The following UBE2H variants were observed in gnomAD, a reference collection of about 807,000 sequenced individuals.
The protein encoded by UBE2H is ubiquitin-conjugating enzyme E2 H.
In UBE2H, 3 loss-of-function variants were observed where a neutral mutation model predicts 29.0. That is an observed-to-expected ratio of 0.10 (90% CI 0.05 to 0.27). The LOEUF is 0.27. Ranked by LOEUF, UBE2H falls within the 10% of genes least tolerant of loss-of-function variation. UBE2H has a pLI of 1.00. For synonymous variants in UBE2H, 69 were observed against 82.9 expected, an observed-to-expected ratio of 0.83 and a Z score of 0.91; for missense variants, 68 against 228.2, an observed-to-expected ratio of 0.30 and a Z score of 4.52.
Position 129,911,019 on chromosome 7 carries a change from T to C in UBE2H, c.54-30048A>G, listed in dbSNP as rs567162949. ...CAGTCCAGGTAAGGTCCCGAGGCCC[T>C]GAATCAAACAGTGGTGGTCGCAATG... On this transcript the variant is annotated intron_variant, in intron 1 of 6. Transcript: ENST00000355621. 1.3e-5 allele frequency among the ~76,000 whole-genome samples: 2 copies of C among 151,856 alleles called. 1 individual carries two copies. The highest frequency in any genetic ancestry group is 1.3e-4 in the Admixed American group (2 of 15,224).
intron 1 of UBE2H, among the ~76,000 whole-genome samples, chr7:129,892,380 T>C (rs1418516697): frequency 6.6e-6 from 1 of 151,996 alleles, no homozygotes; most frequent in Non-Finnish European, 1.5e-5. Context: ...GCCTCCTGAG[T>C]AGCTGGGATT....
chr7:129,863,712 T>C (rs566232521), intron 3 of UBE2H, among the ~76,000 whole-genome samples: 100 of 152,074 alleles, frequency 6.6e-4, no homozygotes, highest in Admixed American at 1.4e-3. Flanking sequence ...CAGAAACAGT[T>C]TATAACCTTG....
At chr7:129,907,124 A>C (rs78828774) in intron 1 of UBE2H, among the ~76,000 whole-genome samples, 3,582 of 118,550 alleles carry the variant, frequency 0.03, 65 homozygotes, top group Middle Eastern at 0.05. Context: ...GCCATTTATT[A>C]GGGGGTGTTC....
chr7:129,897,359 C>T (rs1351290998), intron 1 of UBE2H, among the ~76,000 whole-genome samples: 1 of 152,208 alleles, frequency 6.6e-6, no homozygotes, highest in Non-Finnish European at 1.5e-5. Flanking sequence ...TAATCATAGT[C>T]TGCTCGTTCT....
intron 5 of UBE2H, among the ~76,000 whole-genome samples, chr7:129,851,628 C>A (rs1354820386): frequency 6.6e-6 from 1 of 152,134 alleles, no homozygotes; most frequent in Non-Finnish European, 1.5e-5. Context: ...AAATCAGAGC[C>A]CCTACGAAAG....
intron 5 of UBE2H, among the ~76,000 whole-genome samples, chr7:129,854,679 T>C (rs1805673746): frequency 6.6e-6 from 1 of 152,226 alleles, no homozygotes; most frequent in East Asian, 1.9e-4. Flanking sequence ...CCTCAAATAG[T>C]TAAACATATT....
Position 129,917,032 on chromosome 7 carries a change from G to A in UBE2H, c.53+35471C>T, listed in dbSNP as rs1170728683. Among the ~76,000 whole-genome samples, 7 of 120,924 alleles carry A rather than the reference G, an allele frequency of 5.8e-5. No homozygotes were observed. The East Asian group carries it at 8.4e-4, about 14-fold the overall frequency. 79.3% of individuals were successfully genotyped at this position (120,924 alleles called of 152,430 possible). On this transcript the variant is annotated intron_variant, in intron 1 of 6. Transcript: ENST00000355621. The stretch of plus-strand genomic sequence containing the variant: ...AGCCTGGGCGACACAGCAAGATTCC[G>A]TCTCCAAAAAAAAAAAAAAAAACAC...
intron 3 of UBE2H, among the ~76,000 whole-genome samples, chr7:129,865,377 A>G (rs532733473): frequency 6.6e-6 from 1 of 151,954 alleles, no homozygotes; most frequent in African/African-American, 2.4e-5. Flanking sequence ...TAAATAAATG[A>G]GGCCAAGCTT....
chr7:129,887,480 A>C (rs1584766328), intron 1 of UBE2H, among the ~76,000 whole-genome samples: 1 of 151,920 alleles, frequency 6.6e-6, no homozygotes, highest in East Asian at 1.9e-4. Flanking sequence ...TCAGCCTCCC[A>C]AAGTGTTGGG....
At chr7:129,934,109 C>T (rs956919465) in intron 1 of UBE2H, among the ~76,000 whole-genome samples, 1 of 151,996 alleles carries the variant, frequency 6.6e-6, no homozygotes, top group African/African-American at 2.4e-5. Context: ...ATCACTTGAG[C>T]TCAGGAGTTT....
intron 3 of UBE2H, among the ~76,000 whole-genome samples, chr7:129,865,845 C>T (rs1001584160): frequency 5.3e-5 from 8 of 152,152 alleles, no homozygotes; most frequent in African/African-American, 1.9e-4. Context: ...CTCATCTTCC[C>T]TTGCAGTATC....
intron 1 of UBE2H, among the ~76,000 whole-genome samples, chr7:129,922,718 C>CA (rs1807188126): frequency 6.6e-6 from 1 of 152,102 alleles, no homozygotes; most frequent in Non-Finnish European, 1.5e-5. Context: ...GGGTGGTATA[C>CA]AGATATTTAT....
In UBE2H at chr7:129,831,455, G is replaced by T. The variant is rs1031616403; in HGVS notation, c.*3482C>A. 1 of 152,178 alleles carries T rather than the reference G, an allele frequency of 6.6e-6. No homozygotes were observed. The highest frequency in any genetic ancestry group is 2.4e-5 in the African/African-American group (1 of 41,434). The allele number at this position is 152,178 out of a possible 1,614,324, so 9.4% of individuals were successfully genotyped here. Reference sequence around the variant, plus strand: ...TTCATGATTCTCAGCCATCCCAACGGGAGGCCTAACATAAAGCATGTGCCA... The same window carrying T: ...TTCATGATTCTCAGCCATCCCAACGTGAGGCCTAACATAAAGCATGTGCCA... On this transcript the variant is annotated 3_prime_UTR_variant, in exon 7 of 7. Transcript: ENST00000355621.
chr7:129,919,138 C>T (rs1202129052), intron 1 of UBE2H, among the ~76,000 whole-genome samples: 3 of 135,992 alleles, frequency 2.2e-5, no homozygotes, highest in Non-Finnish European at 4.8e-5. Flanking sequence ...AAAAACAAGG[C>T]ACATGGATGA....
At chr7:129,864,556 CTTT>C (rs367930226) in intron 3 of UBE2H, among the ~76,000 whole-genome samples, 2 of 130,974 alleles carry the variant, frequency 1.5e-5, no homozygotes, top group African/African-American at 2.8e-5. Context: ...TCTTTTCTTT[CTTT>C]TTTTTTTTTT....
intron 1 of UBE2H, among the ~76,000 whole-genome samples, chr7:129,913,933 A>ATTG (rs1217627034): frequency 6.6e-6 from 1 of 152,184 alleles, no homozygotes; most frequent in Non-Finnish European, 1.5e-5. Context: ...ATGGAAGGAG[A>ATTG]TAACACTTAT....
chr7:129,922,573 A>G (rs75576209), intron 1 of UBE2H, among the ~76,000 whole-genome samples: 9,648 of 152,250 alleles, frequency 0.063, 367 homozygotes, highest in Non-Finnish European at 0.091. Context: ...CACTGTGCCC[A>G]GAAAAACAGT....
chr7:129,947,305 A>C (rs914040798), intron 1 of UBE2H, among the ~76,000 whole-genome samples: 7 of 152,242 alleles, frequency 4.6e-5, no homozygotes, highest in African/African-American at 1.7e-4. Flanking sequence ...GAACACTGAG[A>C]GTTGCCAAAT....
chr7:129,837,159 A>G (rs1805346291), intron 6 of UBE2H, among the ~76,000 whole-genome samples: 1 of 152,176 alleles, frequency 6.6e-6, no homozygotes, highest in Admixed American at 6.5e-5. Context: ...ACACAAATGG[A>G]AATGTCCAGC....
Sources: gnomAD v4.1 joint callset for allele counts (sites outside exome capture counted in the v4.1 genomes callset) on GRCh38, gnomAD v4.1.1 for gene constraint, MANE v1.5 for transcripts, NCBI Gene and HGNC (gene_info 2026-07-23, HGNC 2026-07-21) for gene names.